The following ITGB1 variants were observed in gnomAD, a reference collection of about 807,000 sequenced individuals.
ITGB1 encodes the protein integrin subunit beta 1, also known as integrin beta-1.
In ITGB1, 24 loss-of-function variants were observed where a neutral mutation model predicts 86.5. The observed-to-expected ratio is 0.28, with a 90% CI of 0.20 to 0.39. ITGB1 has a LOEUF of 0.39. Ranked by LOEUF, ITGB1 falls within the 10% of genes least tolerant of loss-of-function variation. The pLI, the probability that ITGB1 is intolerant of heterozygous loss-of-function variation, is 1.00. For missense variants in ITGB1, 556 were observed against 946.9 expected (o/e 0.59, Z 5.42); for synonymous variants, 323 against 316.8 (o/e 1.02, Z -0.21).
At chr10:32,924,965 A>G (rs917950029) in intron 6 of ITGB1, among the ~76,000 whole-genome samples, 8 of 152,352 alleles carry the variant, frequency 5.3e-5, no homozygotes, top group African/African-American at 1.7e-4. Context: ...TAAATTGCCC[A>G]GCATCAGTGG....
intron 1 of ITGB1, among the ~76,000 whole-genome samples, chr10:32,937,554 C>CAAAAAAAAAA (rs56280552): frequency 3.7e-4 from 34 of 91,866 alleles, no homozygotes; most frequent in South Asian, 8.3e-4. Context: ...GACTCCGTCT[C>CAAAAAAAAAA]AAAAAAAAAA....
chr10:32,921,006 CAGAAA>C (rs376659746), intron 9 of ITGB1, among the ~76,000 whole-genome samples: 8 of 150,592 alleles, frequency 5.3e-5, no homozygotes, highest in African/African-American at 2.0e-4. Context: ...AAAACAAAAA[CAGAAA>C]CCCCCCAAAA....
intron 1 of ITGB1, chr10:32,951,870 G>A (rs1223548120): frequency 2.0e-5 from 3 of 152,126 alleles, no homozygotes; most frequent in South Asian, 2.1e-4. Context: ...ATGATCAACG[G>A]TATCAATAAG....
Position 32,901,465 on chromosome 10 carries a change from C to T in ITGB1, c.*105G>A, listed in dbSNP as rs1305732525. 2 of 730,482 alleles carry T rather than the reference C, an allele frequency of 2.7e-6. No individual in the cohort carries two copies. Among genetic ancestry groups the T allele is most frequent in the Non-Finnish European group, 4.6e-6 (2 of 438,222 alleles). 45.3% of individuals were successfully genotyped at this position (730,482 alleles called of 1,614,324 possible). ...TATACATATTGTACATTTTCAAAAC[C>T]TGCACATGAGTAAAACCATGGCAAT... On this transcript the variant is annotated 3_prime_UTR_variant, in exon 16 of 16. Coordinates refer to ENST00000302278, the MANE Select transcript of ITGB1 (RefSeq NM_002211.4).
chr10:32,949,154 G>A (rs1400090707), intron 1 of ITGB1, among the ~76,000 whole-genome samples: 2 of 152,040 alleles, frequency 1.3e-5, no homozygotes, highest in Admixed American at 6.5e-5. Context: ...TAATAATAAT[G>A]ATAAAATAAT....
Position 32,901,646 on chromosome 10 carries a change from A to C in ITGB1, c.2332-11T>G. 1 of 1,566,456 alleles carries C rather than the reference A, an allele frequency of 6.4e-7. No homozygotes were observed. Among genetic ancestry groups the C allele is most frequent in the Middle Eastern group, 1.7e-4 (1 of 5,936 alleles). On this transcript the variant is annotated splice_polypyrimidine_tract_variant and intron_variant, in intron 15 of 15. Coordinates refer to ENST00000302278, the MANE Select transcript of ITGB1 (RefSeq NM_002211.4). ...AATAGGATTTTCACCCTACAACAAA[A>C]AAAAAGTGAGAAAAATTATCAGTTA...
chr10:32,928,595 G>A (rs1165791590), intron 4 of ITGB1, among the ~76,000 whole-genome samples: 4 of 152,118 alleles, frequency 2.6e-5, no homozygotes, highest in African/African-American at 9.7e-5. Flanking sequence ...GGCAGAACAC[G>A]TGATAGGGTA....
intron 1 of ITGB1, chr10:32,951,791 G>C (rs746623544): frequency 2.0e-5 from 3 of 152,182 alleles, no homozygotes; most frequent in Non-Finnish European, 4.4e-5. Context: ...GAACGGTTTT[G>C]GTTGAGAAAG....
intron 1 of ITGB1, among the ~76,000 whole-genome samples, chr10:32,939,797 A>G (rs2095013937): frequency 6.6e-6 from 1 of 152,174 alleles, no homozygotes; most frequent in South Asian, 2.1e-4. Flanking sequence ...TGCACAGAAC[A>G]CACACTGAAC....
chr10:32,901,664 A>G, intron 15 of ITGB1, 29 bp from the exon 16 acceptor site: 3 of 1,397,072 alleles, frequency 2.1e-6, no homozygotes, highest in Non-Finnish European at 3.0e-6. Context: ...GAGAAAAATT[A>G]TCAGTTACCC....
intron 9 of ITGB1, among the ~76,000 whole-genome samples, chr10:32,921,726 A>C (rs1209902032): frequency 6.6e-6 from 1 of 152,188 alleles, no homozygotes; most frequent in African/African-American, 2.4e-5. Context: ...ACAACACTAT[A>C]AATCTTTTTG....
At chr10:32,913,211 G>A (rs974568355) in intron 11 of ITGB1, among the ~76,000 whole-genome samples, 3 of 152,192 alleles carry the variant, frequency 2.0e-5, no homozygotes, top group South Asian at 2.1e-4. Flanking sequence ...AAGATGGGGA[G>A]AAACCAGAGC....
rs770349356 is a variant in ITGB1, at chr10:32,910,320, G to A, written c.2067C>T (p.Ser689=). The change falls in exon 14 of 16, where the codon TCC becomes TCT. Residue 689 remains serine, a synonymous_variant. Transcript: ENST00000302278. The stretch of plus-strand genomic sequence containing the variant: ...CGTCAACATCCTTCTCCTTACAATG[G>A]GACACAGGATCAGGTTGGACCGGCT... ...LPQPVQPDPV[S]HCKEKDVDDC... The A allele has an allele frequency of 1.2e-6, 2 of 1,602,756 alleles. No individual in the cohort carries two copies. The highest frequency in any genetic ancestry group is 2.7e-5 in the African/African-American group (2 of 74,648).
intron 11 of ITGB1, among the ~76,000 whole-genome samples, chr10:32,914,220 G>A (rs1298678043): frequency 6.6e-6 from 1 of 152,192 alleles, no homozygotes. Context: ...ATGCCAAATT[G>A]TAAAGACCAT....
Position 32,901,245 on chromosome 10 carries a change from T to C in ITGB1, c.*325A>G. 4.7e-6 allele frequency: 1 copy of C among 214,404 alleles called. No homozygotes were observed. The highest frequency in any genetic ancestry group is 8.8e-6 in the Non-Finnish European group (1 of 113,364). 13.3% of individuals were successfully genotyped at this position (214,404 alleles called of 1,614,324 possible). A position where few individuals can be genotyped will look rare whatever the true frequency, so the allele number is the denominator to read the frequency against. On this transcript the variant is annotated 3_prime_UTR_variant, in exon 16 of 16. Transcript: ENST00000302278. ...GAAACTCTCATCATGCTCATTACTT[T>C]AACTATTGCCCTTTCAATCGCTATA...
rs1346665551 is a variant in ITGB1, at chr10:32,911,455, C to G, written c.1924G>C (p.Glu642Gln). The G allele has an allele frequency of 1.9e-6, 3 of 1,613,750 alleles. No individual in the cohort carries two copies. Among genetic ancestry groups the G allele is most frequent in the Non-Finnish European group, 2.5e-6 (3 of 1,179,724 alleles). Reference sequence around the variant, plus strand: ...CAATTAGGAAATACTTACTTATGCTCAGCACAGACACCAAGGCAGGTCTGA... The same window carrying G: ...CAATTAGGAAATACTTACTTATGCTGAGCACAGACACCAAGGCAGGTCTGA... ...MCQTCLGVCA[E>Q]HKECVQCRAF... The change falls in exon 13 of 16, where the codon GAG becomes CAG. Residue 642 changes from glutamate (E) to glutamine (Q), a missense_variant. Coordinates refer to ENST00000302278, the MANE Select transcript of ITGB1 (RefSeq NM_002211.4).
At chr10:32,939,981 G>C (rs534006997) in intron 1 of ITGB1, among the ~76,000 whole-genome samples, 15 of 152,082 alleles carry the variant, frequency 9.9e-5, no homozygotes, top group Admixed American at 9.8e-4. Flanking sequence ...CTCCTTCTTC[G>C]GGACCACTTC....
chr10:32,921,472 C>T (rs1045223694), intron 9 of ITGB1, among the ~76,000 whole-genome samples: 13 of 152,196 alleles, frequency 8.5e-5, no homozygotes, highest in African/African-American at 2.9e-4. Context: ...GTTATGGTAC[C>T]CCCATGACAT....
intron 15 of ITGB1, among the ~76,000 whole-genome samples, chr10:32,904,042 C>A (rs2094889789): frequency 6.6e-6 from 1 of 150,520 alleles, no homozygotes. Flanking sequence ...GAAAAAAAGC[C>A]CTATATAGAT....
Sources: allele counts gnomAD v4.1 joint callset (sites outside exome capture counted in the v4.1 genomes callset), GRCh38; gene constraint gnomAD v4.1.1; transcripts MANE v1.5; gene names NCBI Gene and HGNC (gene_info 2026-07-23, HGNC 2026-07-21).